SORCS1: variants seen among roughly 807,000 people sequenced by gnomAD.
SORCS1 encodes the protein VPS10 domain-containing receptor SorCS1.
A neutral mutation model predicts 146.1 loss-of-function variants in SORCS1; 60 were observed. The observed-to-expected ratio is 0.41, with a 90% CI of 0.33 to 0.51. SORCS1 has a LOEUF of 0.51. Ranked by LOEUF, SORCS1 falls within the 20% of genes least tolerant of loss-of-function variation. The pLI is 0.21. For synonymous variants in SORCS1, 637 were observed against 584.0 expected (o/e 1.09, Z -1.31); for missense variants, 1,352 against 1,487.6 (o/e 0.91, Z 1.50).
intron 2 of SORCS1, among the ~76,000 whole-genome samples, chr10:106,894,541 C>G (rs975610712): frequency 6.6e-6 from 1 of 152,000 alleles, no homozygotes; most frequent in Non-Finnish European, 1.5e-5. Context: ...AGGCTGACAG[C>G]AGAAATGCTG....
intron 2 of SORCS1, among the ~76,000 whole-genome samples, chr10:106,956,305 T>C (rs1364610051): frequency 6.6e-6 from 1 of 152,118 alleles, no homozygotes; most frequent in Non-Finnish European, 1.5e-5. Context: ...TCTGGCTGAC[T>C]AAAAGAATTG....
At chr10:106,637,617 A>AT (rs1480248734) in intron 18 of SORCS1, among the ~76,000 whole-genome samples, 1 of 152,170 alleles carries the variant, frequency 6.6e-6, no homozygotes, top group Non-Finnish European at 1.5e-5. Flanking sequence ...AGGTTTTACA[A>AT]TTTTTCTAGA....
chr10:106,847,852 C>G (rs1399023482), intron 2 of SORCS1, among the ~76,000 whole-genome samples: 1 of 148,286 alleles, frequency 6.7e-6, no homozygotes, highest in Non-Finnish European at 1.5e-5. Flanking sequence ...ACCCAGTAGT[C>G]ATTCAGGAGC....
intron 6 of SORCS1, among the ~76,000 whole-genome samples, chr10:106,716,146 A>T (rs1855356865): frequency 6.6e-6 from 1 of 152,216 alleles, no homozygotes; most frequent in Non-Finnish European, 1.5e-5. Context: ...TTATATAATA[A>T]TTAATACAAA....
chr10:106,667,625 A>T, intron 17 of SORCS1, 64 bp downstream of exon 17: 2 of 1,038,296 alleles, frequency 1.9e-6, no homozygotes, highest in Non-Finnish European at 3.0e-6. Flanking sequence ...TAATTCTGTC[A>T]GTATAACACG....
chr10:106,587,001 A>T (rs916883894), intron 24 of SORCS1, among the ~76,000 whole-genome samples: 3 of 152,184 alleles, frequency 2.0e-5, no homozygotes, highest in Admixed American at 6.5e-5. Context: ...TGGTAGGTAG[A>T]TGAAAATATC....
chr10:107,054,611 C>A (rs1211418776), intron 1 of SORCS1, among the ~76,000 whole-genome samples: 1 of 152,120 alleles, frequency 6.6e-6, no homozygotes, highest in Non-Finnish European at 1.5e-5. Context: ...ACATTCAGAG[C>A]CTTGCTGAAA....
At chr10:106,989,793 T>G (rs990976191) in intron 1 of SORCS1, among the ~76,000 whole-genome samples, 3 of 149,792 alleles carry the variant, frequency 2.0e-5, no homozygotes, top group Non-Finnish European at 4.4e-5. Context: ...TTCATGCCAT[T>G]CTCCCACCTC....
chr10:106,701,421 T>A (rs1291087831), intron 8 of SORCS1, among the ~76,000 whole-genome samples: 1 of 152,214 alleles, frequency 6.6e-6, no homozygotes, highest in Admixed American at 6.5e-5. Flanking sequence ...GTGGCCCACA[T>A]AAGGTCAATA....
At chr10:107,109,943 T>C (rs1474475967) in intron 1 of SORCS1, among the ~76,000 whole-genome samples, 1 of 152,204 alleles carries the variant, frequency 6.6e-6, no homozygotes, top group Admixed American at 6.5e-5. Flanking sequence ...TCACCCTCAA[T>C]TCCAAACTTC....
intron 3 of SORCS1, among the ~76,000 whole-genome samples, chr10:106,803,101 A>T (rs1018210572): frequency 6.6e-6 from 1 of 152,144 alleles, no homozygotes; most frequent in Non-Finnish European, 1.5e-5. Flanking sequence ...AGTCTGTAAC[A>T]TATGTTGACA....
At chr10:106,750,597 C>T (rs1475862748) in intron 5 of SORCS1, among the ~76,000 whole-genome samples, 10 of 148,156 alleles carry the variant, frequency 6.7e-5, no homozygotes, top group African/African-American at 1.2e-4. Flanking sequence ...GGCTTGGTGG[C>T]GGATGCCTGT....
At chr10:106,878,620 G>GCATATATATATATATATATA (rs1554871217) in intron 2 of SORCS1, among the ~76,000 whole-genome samples, 8 of 84,924 alleles carry the variant, frequency 9.4e-5, no homozygotes, top group African/African-American at 3.7e-4. Flanking sequence ...AAACTACCTA[G>GCATATATATATATATATATA]TATATATATA....
chr10:106,975,803 A>C (rs962863174), intron 1 of SORCS1, among the ~76,000 whole-genome samples: 1 of 152,192 alleles, frequency 6.6e-6, no homozygotes, highest in Non-Finnish European at 1.5e-5. Context: ...TTTGAACCAC[A>C]ATGAATGTTC....
chr10:106,775,004 C>T (rs1371316682), intron 4 of SORCS1, among the ~76,000 whole-genome samples: 3 of 152,120 alleles, frequency 2.0e-5, no homozygotes, highest in Admixed American at 1.3e-4. Context: ...AAGTCACAGC[C>T]CAGGCATCCT....
chr10:106,876,310 CT>C (rs993725562), intron 2 of SORCS1, among the ~76,000 whole-genome samples: 12 of 151,614 alleles, frequency 7.9e-5, no homozygotes, highest in African/African-American at 2.7e-4. Context: ...AAGTTATGAA[CT>C]TTTTTTTTAA....
intron 1 of SORCS1, among the ~76,000 whole-genome samples, chr10:107,122,576 A>T (rs1396181500): frequency 6.6e-6 from 1 of 152,248 alleles, no homozygotes; most frequent in African/African-American, 2.4e-5. Flanking sequence ...GGTAGCATTT[A>T]GTTATTTTTA....
intron 6 of SORCS1, among the ~76,000 whole-genome samples, chr10:106,724,762 T>C (rs1589743106): frequency 6.6e-6 from 1 of 152,278 alleles, no homozygotes; most frequent in Admixed American, 6.5e-5. Flanking sequence ...AAGTGGGGGA[T>C]TTTTCCTGTG....
chr10:106,862,780 CAAAAAAAAAAAAAAA>C (rs58654489), intron 2 of SORCS1, among the ~76,000 whole-genome samples: 5 of 60,246 alleles, frequency 8.3e-5, no homozygotes, highest in South Asian at 7.2e-4. Context: ...CCTGTCTCTA[CAAAAAAAAAAAAAAA>C]AAAAAAAAAA....
Sources: allele counts gnomAD v4.1 joint callset (sites outside exome capture counted in the v4.1 genomes callset), GRCh38; gene constraint gnomAD v4.1.1; transcripts MANE v1.5; gene names NCBI Gene and HGNC (gene_info 2026-07-23, HGNC 2026-07-21).